The following LMO7 variants were observed in gnomAD, a reference collection of about 807,000 sequenced individuals.
LMO7 encodes the protein LIM domain only protein 7.
A neutral mutation model predicts 206.5 loss-of-function variants in LMO7; 120 were observed. The observed-to-expected ratio is 0.58, with a 90% CI of 0.50 to 0.68. The LOEUF (loss-of-function observed/expected upper bound fraction) is 0.68, where lower values mean the gene tolerates loss of function less well. Ranked by LOEUF, LMO7 falls within the 30% of genes least tolerant of loss-of-function variation. LMO7 has a pLI of 0.00. For missense variants in LMO7, 1,959 were observed against 1,957.9 expected, an observed-to-expected ratio of 1.00 and a Z score of -0.01; for synonymous variants, 706 against 681.5, an observed-to-expected ratio of 1.04 and a Z score of -0.56.
At chr13:75,803,884 T>C (rs1380692926) in intron 7 of LMO7, among the ~76,000 whole-genome samples, 1 of 152,198 alleles carries the variant, frequency 6.6e-6, no homozygotes, top group African/African-American at 2.4e-5. Context: ...GATAGCTGCA[T>C]GCCTTATTTT....
chr13:75,819,345 G>A (rs183815433), intron 12 of LMO7, 48 bp from the exon 13 acceptor site: 1 of 1,542,560 alleles, frequency 6.5e-7, no homozygotes, highest in Non-Finnish European at 8.7e-7. Context: ...GCTAGAAAGG[G>A]TGTATAGAAA....
At chr13:75,749,829 C>A (rs1233382080) in intron 3 of LMO7, among the ~76,000 whole-genome samples, 6 of 151,532 alleles carry the variant, frequency 4.0e-5, no homozygotes, top group Non-Finnish European at 7.4e-5. Context: ...CCCTCACCCC[C>A]ACCTTTTTTT....
Position 75,636,508 on chromosome 13 carries a change from G to A in LMO7, c.-150G>A. 1 of 1,501,748 alleles carries A rather than the reference G, an allele frequency of 6.7e-7. No individual in the cohort carries two copies. The highest frequency in any genetic ancestry group is 2.4e-4 in the Middle Eastern group (1 of 4,172). 93.0% of individuals were successfully genotyped at this position (1,501,748 alleles called of 1,614,324 possible). ...AACGAACTGCAGAGCGCAACAAAGGGAACTAGAGCCCCGGCGCCTTCGCAG... is the reference window on the plus strand; with the variant it reads ...AACGAACTGCAGAGCGCAACAAAGGAAACTAGAGCCCCGGCGCCTTCGCAG... On this transcript the variant is annotated 5_prime_UTR_variant, in exon 1 of 31. Transcript: ENST00000377534.
At chr13:75,649,128 T>C (rs780800471) in intron 1 of LMO7, among the ~76,000 whole-genome samples, 1 of 152,212 alleles carries the variant, frequency 6.6e-6, no homozygotes, top group Non-Finnish European at 1.5e-5. Flanking sequence ...CTACTTAGTA[T>C]GGAAGGTGCT....
intron 13 of LMO7, among the ~76,000 whole-genome samples, chr13:75,820,607 T>G (rs909724227): frequency 2.0e-5 from 3 of 152,212 alleles, no homozygotes; most frequent in African/African-American, 7.2e-5. Flanking sequence ...TAAAATCTCT[T>G]TACAATTAAT....
intron 1 of LMO7, among the ~76,000 whole-genome samples, chr13:75,700,534 T>C (rs2042218439): frequency 6.6e-6 from 1 of 152,270 alleles, no homozygotes; most frequent in Non-Finnish European, 1.5e-5. Context: ...ATTGTTTTCC[T>C]TATTAAGTCA....
intron 3 of LMO7, among the ~76,000 whole-genome samples, chr13:75,737,752 C>CAAAAA (rs374266925): frequency 5.7e-5 from 2 of 35,370 alleles, no homozygotes; most frequent in African/African-American, 1.2e-4. Context: ...GACTCCGTCT[C>CAAAAA]AAAAAAAAAA....
intron 1 of LMO7, among the ~76,000 whole-genome samples, chr13:75,703,739 T>TGTGTGTGTGTGTGTGTGCGC (rs57290262): frequency 1.4e-4 from 21 of 151,788 alleles, no homozygotes; most frequent in African/African-American, 5.1e-4. Flanking sequence ...TGTGTGTGTG[T>TGTGTGTGTGTGTGTGTGCGC]GCACTGTGAG....
At position 75,805,553 on chromosome 13, in the gene LMO7, A is replaced by G. The variant is rs994370057; in HGVS notation, c.989A>G (p.Tyr330Cys). Residue 330 changes from tyrosine to cysteine, a missense_variant, in exon 9 of 31, where the codon TAT (tyrosine) becomes TGT (cysteine). Transcript: ENST00000377534. ...TVQGTSKSSC[Y>C]LEEEKAKTRS... ...CAAGGAACTTCAAAGTCCTCTTGTT[A>G]TTTGGAAGAGGAAAAAGCAAAGACA... The G allele has an allele frequency of 6.8e-6, 11 of 1,614,034 alleles. No homozygotes were observed. Among genetic ancestry groups the G allele is most frequent in the Non-Finnish European group, 9.3e-6 (11 of 1,179,894 alleles).
chr13:75,728,196 C>T (rs975884697), intron 3 of LMO7, among the ~76,000 whole-genome samples: 2 of 152,184 alleles, frequency 1.3e-5, no homozygotes, highest in African/African-American at 4.8e-5. Flanking sequence ...GAGGAATCGC[C>T]ACACTGACTT....
chr13:75,838,287 C>T lies in LMO7; in HGVS notation c.3451+91C>T, dbSNP rs2059295522. On this transcript the variant is annotated intron_variant, in intron 20 of 30. Coordinates refer to ENST00000377534, the MANE Select transcript of LMO7 (RefSeq NM_001306080.2). ...TGGTCTGTGGTGCTGGGCACTGAGCCTCTTCAATTTGTCTGTCATTATGAC... is the reference window on the plus strand; with the variant it reads ...TGGTCTGTGGTGCTGGGCACTGAGCTTCTTCAATTTGTCTGTCATTATGAC... 86 of 1,527,732 alleles carry T rather than the reference C, an allele frequency of 5.6e-5. No homozygotes were observed. The South Asian group carries it at 9.2e-4, about 16-fold the overall frequency. The allele number at this position is 1,527,732 out of a possible 1,614,324, so 94.6% of individuals were successfully genotyped here. A position where few individuals can be genotyped will look rare whatever the true frequency, so the allele number is the denominator to read the frequency against.
At chr13:75,732,145 G>T (rs1467884876) in intron 3 of LMO7, among the ~76,000 whole-genome samples, 2 of 152,028 alleles carry the variant, frequency 1.3e-5, no homozygotes, top group African/African-American at 4.8e-5. Flanking sequence ...GGCGTCCTCT[G>T]TATTTCCTGA....
intron 7 of LMO7, among the ~76,000 whole-genome samples, chr13:75,801,616 C>T (rs1275123463): frequency 6.6e-6 from 1 of 152,144 alleles, no homozygotes; most frequent in East Asian, 1.9e-4. Context: ...CTGGGTATAG[C>T]GTCAGCAATT....
intron 22 of LMO7, 22 bp downstream of exon 22, chr13:75,840,517 G>A (rs367982348): frequency 1.1e-4 from 185 of 1,610,794 alleles, no homozygotes; most frequent in Non-Finnish European, 1.5e-4. Flanking sequence ...TCACGTGGAC[G>A]GGTAGAAACT....
intron 19 of LMO7, 43 bp downstream of exon 19, chr13:75,836,500 G>T (rs2059135180): frequency 2.0e-6 from 2 of 990,776 alleles, no homozygotes; most frequent in East Asian, 2.7e-5. Context: ...TACAGGAAAA[G>T]ACATAGCACT....
intron 2 of LMO7, among the ~76,000 whole-genome samples, chr13:75,626,595 A>ATATATATATATATATATATTTTT: frequency 1.1e-4 from 8 of 71,096 alleles, no homozygotes; most frequent in Non-Finnish European, 2.9e-4. Flanking sequence ...ATATATATAA[A>ATATATATATATATATATATTTTT]TTTTTTTGAG....
chr13:75,853,073 A>G lies in LMO7; in HGVS notation c.4365-19A>G, dbSNP rs776755982. The G allele has an allele frequency of 2.6e-6, 4 of 1,554,112 alleles. No individual in the cohort carries two copies. Among genetic ancestry groups the G allele is most frequent in the Admixed American group, 1.9e-5 (1 of 51,378 alleles). On this transcript the variant is annotated intron_variant, in intron 27 of 30. Coordinates refer to ENST00000377534, the MANE Select transcript of LMO7 (RefSeq NM_001306080.2). ...TTGAACATGTCACATTATTTTGATG[A>G]GTCTTTTTTGTGTTTCAGAGGCGAA...
At chr13:75,745,667 T>G (rs1267531624) in intron 3 of LMO7, among the ~76,000 whole-genome samples, 1 of 152,178 alleles carries the variant, frequency 6.6e-6, no homozygotes, top group African/African-American at 2.4e-5. Flanking sequence ...TAAAGCAGAT[T>G]GCTCTCCCTA....
At chr13:75,681,706 G>GTGTGTGTATA (rs1259746833) in intron 1 of LMO7, among the ~76,000 whole-genome samples, 4 of 93,328 alleles carry the variant, frequency 4.3e-5, no homozygotes, top group Admixed American at 1.4e-4. Context: ...GTATGTATGT[G>GTGTGTGTATA]TATATATATA....
Sources: allele counts gnomAD v4.1 joint callset (sites outside exome capture counted in the v4.1 genomes callset), GRCh38; gene constraint gnomAD v4.1.1; transcripts MANE v1.5; gene names NCBI Gene and HGNC (gene_info 2026-07-23, HGNC 2026-07-21).